Variants in TCERG1 observed in about 807,000 individuals in gnomAD.
TCERG1 encodes TATA box binding protein (TBP)-associated factor, RNA polymerase II, S, 150kD.
In TCERG1, 37 loss-of-function variants were observed where a neutral mutation model predicts 144.7. That is an observed-to-expected ratio of 0.26 (90% CI 0.20 to 0.34). TCERG1 has a LOEUF of 0.34. Ranked by LOEUF, TCERG1 falls within the 10% of genes least tolerant of loss-of-function variation. TCERG1 has a pLI of 1.00. For synonymous variants in TCERG1, 492 were observed against 458.2 expected, an observed-to-expected ratio of 1.07 and a Z score of -0.94; for missense variants, 1,027 against 1,380.7, an observed-to-expected ratio of 0.74 and a Z score of 4.06.
intron 4 of TCERG1, among the ~76,000 whole-genome samples, chr5:146,462,645 A>G (rs1307739095): frequency 6.6e-6 from 1 of 152,212 alleles, no homozygotes; most frequent in African/African-American, 2.4e-5. Context: ...ATTTTTTTAA[A>G]ATAATGAGAG....
intron 15 of TCERG1, among the ~76,000 whole-genome samples, chr5:146,485,882 A>G (rs899207264): frequency 6.6e-6 from 1 of 152,064 alleles, no homozygotes; most frequent in Non-Finnish European, 1.5e-5. Context: ...TTTAGTAGAG[A>G]CAGAGTTTCA....
intron 15 of TCERG1, among the ~76,000 whole-genome samples, chr5:146,491,151 C>CT (rs76132505): frequency 0.017 from 2,425 of 143,906 alleles, 31 homozygotes; most frequent in African/African-American, 0.025. Context: ...TTTGGGTACT[C>CT]TTTTTTTTTT....
Position 146,507,901 on chromosome 5 carries a change from T to TA in TCERG1, c.2998dup (p.Ile1000AsnfsTer3). 1.2e-6 allele frequency: 2 copies of TA among 1,609,384 alleles called. No homozygotes were observed. Among genetic ancestry groups the TA allele is most frequent in the Admixed American group, 1.7e-5 (1 of 59,458 alleles). On this transcript the variant is annotated frameshift_variant, in exon 21 of 23. Transcript: ENST00000679501. LOFTEE classifies it high-confidence loss of function. This position sits in a 1 kb window ranked among gnomAD's most constrained non-coding sequence, Gnocchi z 4.6. ...ACCTTAACATCCACGTGGAAAGAAGTAAAAAAAATCATTAAGGAAGATCCT... is the reference window on the plus strand; with the variant it reads ...ACCTTAACATCCACGTGGAAAGAAGTAAAAAAAAATCATTAAGGAAGATCCT...
intron 10 of TCERG1, 36 bp downstream of exon 10, chr5:146,478,689 A>C: frequency 4.6e-6 from 7 of 1,522,908 alleles, no homozygotes; most frequent in Non-Finnish European, 5.3e-6. Flanking sequence ...CACTGATTTT[A>C]ACATTCTTTT....
intron 15 of TCERG1, among the ~76,000 whole-genome samples, chr5:146,488,754 T>C (rs1358662840): frequency 6.6e-6 from 1 of 152,160 alleles, no homozygotes; most frequent in African/African-American, 2.4e-5. Context: ...CATCATTATA[T>C]TGAAGAGATA....
chr5:146,469,174 A>T lies in TCERG1; in HGVS notation c.1199-370A>T, dbSNP rs76807928. 9.4e-3 allele frequency among the ~76,000 whole-genome samples: 1,433 copies of T among 152,242 alleles called. 36 individuals are homozygous for T. Among genetic ancestry groups the T allele is most frequent in the East Asian group, 0.072 (373 of 5,186 alleles). ...GCCTAAGGAAATATGTGTAGTAAATATGTTTGTTGTCTTCATTAGAATTTG... is the reference window on the plus strand; with the variant it reads ...GCCTAAGGAAATATGTGTAGTAAATTTGTTTGTTGTCTTCATTAGAATTTG... On this transcript the variant is annotated intron_variant, in intron 6 of 22. Coordinates refer to ENST00000679501, the MANE Select transcript of TCERG1 (RefSeq NM_001382548.1).
chr5:146,487,260 G>A (rs1765926878), intron 15 of TCERG1, among the ~76,000 whole-genome samples: 2 of 152,022 alleles, frequency 1.3e-5, no homozygotes, highest in African/African-American at 4.8e-5. Flanking sequence ...CCAAACAAGT[G>A]AAAGACCCCC....
chr5:146,468,123 A>G (rs912648017), intron 5 of TCERG1, among the ~76,000 whole-genome samples: 4 of 152,176 alleles, frequency 2.6e-5, no homozygotes, highest in African/African-American at 4.8e-5. Flanking sequence ...AGCTGGTTTG[A>G]TAAAAAGGTA....
intron 4 of TCERG1, among the ~76,000 whole-genome samples, chr5:146,462,431 A>G (rs887906970): frequency 2.6e-5 from 4 of 152,236 alleles, no homozygotes; most frequent in Non-Finnish European, 4.4e-5. Context: ...ATAAATAACA[A>G]AATTGTTTTG....
At chr5:146,491,213 C>A (rs148043005) in intron 15 of TCERG1, among the ~76,000 whole-genome samples, 3 of 151,850 alleles carry the variant, frequency 2.0e-5, no homozygotes. Flanking sequence ...TCTTGAACTC[C>A]TGAGCTCAAA....
At chr5:146,455,617 A>G (rs1226299238) in intron 2 of TCERG1, among the ~76,000 whole-genome samples, 1 of 152,110 alleles carries the variant, frequency 6.6e-6, no homozygotes. Context: ...TTGAGTGGAG[A>G]AAATTTATTT....
At chr5:146,485,758 A>G (rs1019098812) in intron 15 of TCERG1, among the ~76,000 whole-genome samples, 4 of 152,108 alleles carry the variant, frequency 2.6e-5, no homozygotes, top group Admixed American at 2.0e-4. Flanking sequence ...CAGTGGCGCC[A>G]TCTCATCTTA....
intron 8 of TCERG1, among the ~76,000 whole-genome samples, chr5:146,471,022 GTTAAAA>G (rs1764244728): frequency 6.6e-6 from 1 of 152,130 alleles, no homozygotes; most frequent in African/African-American, 2.4e-5. Context: ...AGTGGTATTT[GTTAAAA>G]TTATAAGTGT....
chr5:146,472,536 C>T (rs56771518), intron 9 of TCERG1, among the ~76,000 whole-genome samples: 37,179 of 151,922 alleles, frequency 0.24, 5,662 homozygotes, highest in East Asian at 0.83. Context: ...AATTGATAAA[C>T]GTGTGTGATC....
At chr5:146,479,267 T>C (rs1295237493) in intron 10 of TCERG1, among the ~76,000 whole-genome samples, 2 of 152,184 alleles carry the variant, frequency 1.3e-5, no homozygotes, top group African/African-American at 4.8e-5. Context: ...GCAAGTGGTA[T>C]AGAAGCAAGA....
At chr5:146,451,433 C>T (rs1203347902) in intron 1 of TCERG1, among the ~76,000 whole-genome samples, 2 of 151,496 alleles carry the variant, frequency 1.3e-5, no homozygotes, top group Non-Finnish European at 2.9e-5. Context: ...TCCTGTTCTC[C>T]TGCCTCAGCC....
chr5:146,508,852 A>G (rs1267615521), intron 21 of TCERG1, among the ~76,000 whole-genome samples: 1 of 152,146 alleles, frequency 6.6e-6, no homozygotes. Context: ...GTGAAGATTG[A>G]AGTAGATGAT....
chr5:146,476,232 A>G (rs1438825329), intron 9 of TCERG1, among the ~76,000 whole-genome samples: 3 of 152,234 alleles, frequency 2.0e-5, no homozygotes, highest in Admixed American at 2.0e-4. Context: ...TCAAAGATAC[A>G]GCATGAGTTG....
intron 1 of TCERG1, among the ~76,000 whole-genome samples, chr5:146,452,238 A>G (rs544151787): frequency 1.3e-5 from 2 of 152,296 alleles, no homozygotes; most frequent in South Asian, 2.1e-4. Context: ...GACTATAAGA[A>G]TGATTATTTT....
Sources: allele counts gnomAD v4.1 joint callset (sites outside exome capture counted in the v4.1 genomes callset), GRCh38; gene constraint gnomAD v4.1.1; non-coding constraint Gnocchi (gnomAD v3.1); transcripts MANE v1.5; gene names NCBI Gene and HGNC (gene_info 2026-07-23, HGNC 2026-07-21).